Variants in ULK2 observed in about 807,000 individuals in gnomAD.
ULK2 encodes serine/threonine-protein kinase ULK2.
In ULK2, 76 loss-of-function variants were observed where a neutral mutation model predicts 127.5. That is an observed-to-expected ratio of 0.60 (90% confidence interval 0.50 to 0.72). The LOEUF is 0.72. ULK2 is among the 30% of genes least tolerant of loss of function. The pLI is 0.00. For synonymous variants in ULK2, 452 were observed against 461.9 expected, an observed-to-expected ratio of 0.98 and a Z score of 0.28; for missense variants, 1,144 against 1,295.9, an observed-to-expected ratio of 0.88 and a Z score of 1.80.
intron 14 of ULK2, among the ~76,000 whole-genome samples, chr17:19,809,427 T>A (rs528816702): frequency 6.6e-6 from 1 of 152,078 alleles, no homozygotes; most frequent in African/African-American, 2.4e-5. Flanking sequence ...ATTTTATGTG[T>A]TTTTTATCAC....
intron 18 of ULK2, among the ~76,000 whole-genome samples, chr17:19,796,814 T>C (rs2087282574): frequency 1.3e-5 from 2 of 152,198 alleles, no homozygotes; most frequent in African/African-American, 4.8e-5. Context: ...GGCAGGAGTA[T>C]AGACTCTGGA....
intron 21 of ULK2, 198 bp from the exon 22 acceptor site, chr17:19,784,103 AT>A: frequency 2.4e-6 from 1 of 416,368 alleles, no homozygotes; most frequent in Non-Finnish European, 4.1e-6. Context: ...TTGTCTATAT[AT>A]TTTATATTAG....
intron 20 of ULK2, among the ~76,000 whole-genome samples, chr17:19,789,135 C>A (rs1715149842): frequency 6.6e-6 from 1 of 152,180 alleles, no homozygotes; most frequent in Non-Finnish European, 1.5e-5. Context: ...TTGGGCAAGA[C>A]CCAGGGCTGT....
In ULK2 at chr17:19,832,528, C is replaced by T. The variant is rs1221014066; in HGVS notation, c.787+5973G>A. On this transcript the variant is annotated intron_variant, in intron 10 of 26. Transcript: ENST00000395544. ...ATCTGCCCATCTCGGCCTCCCAAAG[C>T]GCTGGGATTACAGATGTGAGCCACC... 3.9e-5 allele frequency among the ~76,000 whole-genome samples: 6 copies of T among 151,998 alleles called. 1 individual carries two copies. The highest frequency in any genetic ancestry group is 2.0e-4 in the Admixed American group (3 of 15,254).
At chr17:19,780,753 C>G in intron 24 of ULK2, 124 bp from the exon 25 acceptor site, 1 of 1,149,770 alleles carries the variant, frequency 8.7e-7, no homozygotes, top group Non-Finnish European at 1.2e-6. Context: ...AAAAAAGGAC[C>G]AGAAATAGGA....
chr17:19,797,730 T>C, intron 17 of ULK2, 48 bp from the exon 18 acceptor site: 2 of 1,380,366 alleles, frequency 1.4e-6, no homozygotes, highest in Non-Finnish European at 1.9e-6. Flanking sequence ...AGAAGTGCAG[T>C]GCAAAAATGT....
rs1466708281 is a variant in ULK2 at position 19,775,682 on chromosome 17, A to T, written c.*667T>A. The T allele has an allele frequency of 2.0e-5, 3 of 152,676 alleles. No homozygotes were observed. The highest frequency in any genetic ancestry group is 7.2e-5 in the African/African-American group (3 of 41,462). The allele number at this position is 152,676 out of a possible 1,614,324, so 9.5% of individuals were successfully genotyped here. A position where few individuals can be genotyped will look rare whatever the true frequency, so the allele number is the denominator to read the frequency against. ...AGGGTCTATGTATACAATCAAGTAA[A>T]ATATTTTAAACAAGTCCATTGTGCC... is the stretch of plus-strand genomic sequence containing the variant. On this transcript the variant is annotated 3_prime_UTR_variant, in exon 27 of 27. Transcript: ENST00000395544.
At chr17:19,818,020 G>A (rs988050006) in intron 12 of ULK2, among the ~76,000 whole-genome samples, 2 of 151,954 alleles carry the variant, frequency 1.3e-5, no homozygotes, top group African/African-American at 2.4e-5. Flanking sequence ...TTTCCGGCAG[G>A]GTGTGAATCA....
intron 17 of ULK2, among the ~76,000 whole-genome samples, chr17:19,799,007 A>G (rs1350344954): frequency 6.6e-6 from 1 of 151,920 alleles, no homozygotes; most frequent in Non-Finnish European, 1.5e-5. Context: ...CTAAAAATAC[A>G]AAAATTAGCC....
chr17:19,851,559 G>C (rs1422840785), intron 3 of ULK2, among the ~76,000 whole-genome samples: 4 of 151,706 alleles, frequency 2.6e-5, no homozygotes, highest in South Asian at 4.2e-4. Context: ...AGAATCGCTT[G>C]AGCCTGGGAG....
chr17:19,820,430 G>A (rs192300205), intron 12 of ULK2, among the ~76,000 whole-genome samples: 2 of 152,134 alleles, frequency 1.3e-5, no homozygotes, highest in African/African-American at 4.8e-5. Flanking sequence ...TACCTCTCTA[G>A]CTTTCTTTTC....
Position 19,776,236 on chromosome 17 carries a change from G to T in ULK2, c.*113C>A. On this transcript the variant is annotated 3_prime_UTR_variant, in exon 27 of 27. Transcript: ENST00000395544. ...TCAAATCACTGCTTGTTCTTTGGTA[G>T]TCACCAGTTAAGAAGCTACAGTTTC... 1 of 863,676 alleles carries T rather than the reference G, an allele frequency of 1.2e-6. No homozygotes were observed. The highest frequency in any genetic ancestry group is 1.7e-6 in the Non-Finnish European group (1 of 592,194). 53.5% of individuals were successfully genotyped at this position (863,676 alleles called of 1,614,324 possible). A position where few individuals can be genotyped will look rare whatever the true frequency, so the allele number is the denominator to read the frequency against.
At chr17:19,811,033 T>C (rs1219046538) in intron 13 of ULK2, 2 of 151,848 alleles carry the variant, frequency 1.3e-5, no homozygotes, top group African/African-American at 4.8e-5. Flanking sequence ...GGCGGGAGAA[T>C]AGCTTGAGCC....
chr17:19,866,509 AAAAT>A (rs562763958), intron 1 of ULK2, among the ~76,000 whole-genome samples: 9 of 152,136 alleles, frequency 5.9e-5, no homozygotes, highest in East Asian at 3.8e-4. Context: ...CTCTGTCTCA[AAAAT>A]AAATAAATAA....
At chr17:19,805,140 T>C (rs775965767) in intron 14 of ULK2, among the ~76,000 whole-genome samples, 1 of 152,218 alleles carries the variant, frequency 6.6e-6, no homozygotes, top group Non-Finnish European at 1.5e-5. Flanking sequence ...CATTCTGCTA[T>C]TCATTACTAT....
chr17:19,826,542 T>C (rs1288022363), intron 10 of ULK2, among the ~76,000 whole-genome samples: 2 of 152,202 alleles, frequency 1.3e-5, no homozygotes, highest in Admixed American at 6.5e-5. Flanking sequence ...CAGGCCCTTG[T>C]TAAGCACCCA....
chr17:19,808,148 A>T (rs992201201), intron 14 of ULK2, among the ~76,000 whole-genome samples: 6 of 152,180 alleles, frequency 3.9e-5, no homozygotes, highest in African/African-American at 1.4e-4. Flanking sequence ...AAATGATCTC[A>T]GACAAGAATG....
At position 19,780,983 on chromosome 17, in the gene ULK2, T is replaced by C; in HGVS notation, c.2758+3A>G. ...TGGAGTTACACGCTGCCTTCTCCCATACCTTGTTTCACAGCTGTGGATGGG... is the reference window on the plus strand; with the variant it reads ...TGGAGTTACACGCTGCCTTCTCCCACACCTTGTTTCACAGCTGTGGATGGG... On this transcript the variant is annotated splice_donor_region_variant and intron_variant, in intron 24 of 26. Transcript: ENST00000395544. The C allele has an allele frequency of 1.2e-6, 2 of 1,613,812 alleles. No homozygotes were observed. Among genetic ancestry groups the C allele is most frequent in the South Asian group, 2.2e-5 (2 of 91,062 alleles).
chr17:19,785,126 T>A (rs963942840), intron 21 of ULK2, among the ~76,000 whole-genome samples: 2 of 152,168 alleles, frequency 1.3e-5, no homozygotes, highest in Non-Finnish European at 2.9e-5. Flanking sequence ...TTATAAATGA[T>A]AAATCTATTA....
Sources: gnomAD v4.1 joint callset for allele counts (sites outside exome capture counted in the v4.1 genomes callset) on GRCh38, gnomAD v4.1.1 for gene constraint, MANE v1.5 for transcripts, NCBI Gene and HGNC (gene_info 2026-07-23, HGNC 2026-07-21) for gene names.